CAMKMT: variants seen among roughly 807,000 people sequenced by gnomAD.
CAMKMT encodes calmodulin-lysine N-methyltransferase, also known as CaM KMT.
In CAMKMT, 53 loss-of-function variants were observed where a neutral mutation model predicts 48.0. The observed-to-expected ratio is 1.10, with a 90% CI of 0.89 to 1.39. The LOEUF is 1.39. Among genes scored for constraint, CAMKMT ranks in the 40% most tolerant of loss-of-function variants. CAMKMT has a pLI of 0.00. For missense variants in CAMKMT, 428 were observed against 402.7 expected (o/e 1.06, Z -0.54); for synonymous variants, 165 against 152.3 (o/e 1.08, Z -0.61).
intron 3 of CAMKMT, among the ~76,000 whole-genome samples, chr2:44,412,187 A>G (rs1012730528): frequency 2.0e-5 from 3 of 151,980 alleles, no homozygotes; most frequent in Non-Finnish European, 4.4e-5. Context: ...ATAACCCACA[A>G]AGAGTCTGTC....
chr2:44,499,958 G>A (rs952359318), intron 3 of CAMKMT, among the ~76,000 whole-genome samples: 1 of 152,094 alleles, frequency 6.6e-6, no homozygotes, highest in African/African-American at 2.4e-5. Context: ...TGTATTGGAA[G>A]AATACTTGAG....
At chr2:44,680,149 A>G (rs904915745) in intron 3 of CAMKMT, among the ~76,000 whole-genome samples, 4 of 152,138 alleles carry the variant, frequency 2.6e-5, no homozygotes, top group African/African-American at 7.2e-5. Flanking sequence ...CAAGTGACGG[A>G]CTTCAAATAG....
intron 3 of CAMKMT, among the ~76,000 whole-genome samples, chr2:44,465,999 T>C (rs1483697754): frequency 1.3e-5 from 2 of 152,136 alleles, no homozygotes; most frequent in African/African-American, 4.8e-5. Context: ...TCTAAATATA[T>C]ATGCATCTAA....
intron 3 of CAMKMT, among the ~76,000 whole-genome samples, chr2:44,686,754 A>G (rs1294097652): frequency 2.6e-5 from 4 of 152,238 alleles, no homozygotes; most frequent in Non-Finnish European, 4.4e-5. Flanking sequence ...GACTAACCCT[A>G]TGCTCATGTA....
Position 44,715,243 on chromosome 2 carries a change from C to G in CAMKMT, c.557-44C>G. 4.0e-6 allele frequency: 5 copies of G among 1,265,460 alleles called. 1 individual carries two copies. Among genetic ancestry groups the G allele is most frequent in the East Asian group, 2.4e-5 (1 of 42,434 alleles). The allele number at this position is 1,265,460 out of a possible 1,614,324, so 78.4% of individuals were successfully genotyped here. A position where few individuals can be genotyped will look rare whatever the true frequency, so the allele number is the denominator to read the frequency against. On this transcript the variant is annotated intron_variant, in intron 6 of 10. Transcript: ENST00000378494. ...CTGTTTCTGGACCTTTTTTTTTGGT[C>G]ACTTCACAATCAGTGCAGATGTTTT...
chr2:44,417,497 C>T (rs930820184), intron 3 of CAMKMT, among the ~76,000 whole-genome samples: 2 of 152,312 alleles, frequency 1.3e-5, no homozygotes, highest in African/African-American at 4.8e-5. Context: ...GGCTGTTTTG[C>T]ATAAAACTAG....
At chr2:44,420,943 A>G (rs888515083) in intron 3 of CAMKMT, among the ~76,000 whole-genome samples, 2 of 152,082 alleles carry the variant, frequency 1.3e-5, no homozygotes, top group African/African-American at 4.8e-5. Flanking sequence ...ACAGTAGTCA[A>G]GAGGATCACA....
intron 3 of CAMKMT, among the ~76,000 whole-genome samples, chr2:44,434,109 G>A (rs1217286706): frequency 1.3e-5 from 2 of 152,110 alleles, no homozygotes; most frequent in African/African-American, 4.8e-5. Flanking sequence ...AAAAGATGCT[G>A]CTTTCATGGT....
rs1304269153 is a variant in CAMKMT at position 44,770,700 on chromosome 2, TTGG to T, written c.895-1333_895-1331del. 3.3e-5 allele frequency among the ~76,000 whole-genome samples: 5 copies of T among 152,308 alleles called. No individual in the cohort carries two copies. The East Asian group carries it at 9.6e-4, about 29-fold the overall frequency. On this transcript the variant is annotated intron_variant, in intron 10 of 10. Coordinates refer to ENST00000378494, the MANE Select transcript of CAMKMT (RefSeq NM_024766.5). The stretch of plus-strand genomic sequence containing the variant: ...CGGTCAGTGGGTATGGACTGGGAAG[TTGG>T]TGAAGCCATTTTCTCAGCATTTTCT...
In CAMKMT at chr2:44,714,813, G is replaced by A. The variant is rs564492675; in HGVS notation, c.557-474G>A. On this transcript the variant is annotated intron_variant, in intron 6 of 10. Coordinates refer to ENST00000378494, the MANE Select transcript of CAMKMT (RefSeq NM_024766.5). Reference sequence around the variant, plus strand: ...AGGTGATAAAATGCAGCCCAGGGAAGTAAAAGAGCTTGCCTGTGGCAAGTC... The same window carrying A: ...AGGTGATAAAATGCAGCCCAGGGAAATAAAAGAGCTTGCCTGTGGCAAGTC... Among the ~76,000 whole-genome samples the A allele has an allele frequency of 2.0e-4, 31 of 152,290 alleles. No individual in the cohort carries two copies. In the East Asian group the frequency reaches 5.0e-3, roughly 25 times the overall value.
At chr2:44,673,522 G>GAAGGAAGGAAGGAAGGAAGGAAGGA (rs945472268) in intron 3 of CAMKMT, among the ~76,000 whole-genome samples, 1 of 76,626 alleles carries the variant, frequency 1.3e-5, no homozygotes, top group African/African-American at 5.2e-5. Context: ...AGGAAGGAAG[G>GAAGGAAGGAAGGAAGGAAGGAAGGA]AGGGAAGGAA....
At chr2:44,372,346 G>A (rs763840687) in intron 1 of CAMKMT, among the ~76,000 whole-genome samples, 1 of 151,926 alleles carries the variant, frequency 6.6e-6, no homozygotes. Flanking sequence ...TTAACCAGAC[G>A]TGGTGGTGCA....
At chr2:44,675,774 C>T (rs1449109011) in intron 3 of CAMKMT, among the ~76,000 whole-genome samples, 3 of 152,072 alleles carry the variant, frequency 2.0e-5, no homozygotes, top group African/African-American at 7.2e-5. Flanking sequence ...ATTTCCAGAG[C>T]TCTTTTCATT....
intron 3 of CAMKMT, among the ~76,000 whole-genome samples, chr2:44,465,596 T>C (rs954609262): frequency 5.5e-5 from 8 of 146,390 alleles, no homozygotes; most frequent in Non-Finnish European, 3.0e-5. Context: ...CAATGAAACA[T>C]AAAGGGAGAC....
intron 3 of CAMKMT, among the ~76,000 whole-genome samples, chr2:44,649,670 T>C (rs1023465293): frequency 6.6e-6 from 1 of 152,204 alleles, no homozygotes; most frequent in African/African-American, 2.4e-5. Flanking sequence ...GGCTTCTCTT[T>C]TTCCCAACAT....
At chr2:44,754,382 A>G (rs983512825) in intron 9 of CAMKMT, among the ~76,000 whole-genome samples, 3 of 152,226 alleles carry the variant, frequency 2.0e-5, no homozygotes, top group African/African-American at 7.2e-5. Flanking sequence ...GGTTATTTTT[A>G]TCAAAGAATT....
chr2:44,367,214 G>A (rs577793533), intron 1 of CAMKMT, among the ~76,000 whole-genome samples: 1 of 152,246 alleles, frequency 6.6e-6, no homozygotes, highest in Admixed American at 6.5e-5. Context: ...CCAAATGTCA[G>A]TATCTACAGG....
chr2:44,578,650 T>C (rs778865206), intron 3 of CAMKMT, among the ~76,000 whole-genome samples: 19 of 152,082 alleles, frequency 1.2e-4, no homozygotes, highest in Admixed American at 9.2e-4. Flanking sequence ...ACAAGGCAAA[T>C]TGGGTAATGG....
rs76257122 is a variant in CAMKMT, at chr2:44,762,502, T to C, written c.763-3928T>C. On this transcript the variant is annotated intron_variant, in intron 9 of 10. Transcript: ENST00000378494. The stretch of plus-strand genomic sequence containing the variant: ...CATAGCATATTCCTTTTAAAATAAA[T>C]CTGAAGCTGGGGGGAGTGGGGAGGG... 5.8e-4 allele frequency among the ~76,000 whole-genome samples: 89 copies of C among 152,216 alleles called. 3 individuals carry two copies. The East Asian group carries it at 0.016, about 27-fold the overall frequency.
Sources: allele counts gnomAD v4.1 joint callset (sites outside exome capture counted in the v4.1 genomes callset), GRCh38; gene constraint gnomAD v4.1.1; transcripts MANE v1.5; gene names NCBI Gene and HGNC (gene_info 2026-07-23, HGNC 2026-07-21).